Variants in ATP8A2 observed in about 807,000 individuals in gnomAD.
ATP8A2 encodes ATPase phospholipid transporting 8A2.
ATP8A2 carries 100 observed loss-of-function variants against 165.6 expected under a neutral mutation model. That is an observed-to-expected ratio of 0.60 (90% confidence interval 0.51 to 0.71). The LOEUF (loss-of-function observed/expected upper bound fraction) is 0.71, where lower values mean the gene tolerates loss of function less well. ATP8A2 is among the 30% of genes least tolerant of loss of function. The pLI, the probability that ATP8A2 is intolerant of heterozygous loss-of-function variation, is 0.00. For missense variants in ATP8A2, 1,227 were observed against 1,479.5 expected (o/e 0.83, Z 2.80); for synonymous variants, 543 against 548.8 (o/e 0.99, Z 0.15).
At chr13:25,544,818 T>C (rs1024450684) in intron 10 of ATP8A2, among the ~76,000 whole-genome samples, 5 of 151,730 alleles carry the variant, frequency 3.3e-5, no homozygotes, top group African/African-American at 1.2e-4. Flanking sequence ...TCAAGTCTTC[T>C]GTGAGTGACA....
At chr13:25,819,499 C>CTATT (rs1566171165) in intron 27 of ATP8A2, among the ~76,000 whole-genome samples, 1 of 151,988 alleles carries the variant, frequency 6.6e-6, no homozygotes, top group African/African-American at 2.4e-5. Context: ...GCCTACTTAC[C>CTATT]TATTTATTTA....
At chr13:25,805,992 G>A (rs996462358) in intron 27 of ATP8A2, among the ~76,000 whole-genome samples, 2 of 152,204 alleles carry the variant, frequency 1.3e-5, no homozygotes, top group South Asian at 4.1e-4. Flanking sequence ...CTACTCTGAA[G>A]GGCAGGTCAT....
chr13:25,994,244 A>G (rs1219550011), intron 35 of ATP8A2, among the ~76,000 whole-genome samples: 1 of 150,026 alleles, frequency 6.7e-6, no homozygotes, highest in Non-Finnish European at 1.5e-5. Context: ...CTATACATAA[A>G]TATATATATA....
chr13:25,490,469 A>G (rs2036492178), intron 2 of ATP8A2, among the ~76,000 whole-genome samples: 1 of 152,222 alleles, frequency 6.6e-6, no homozygotes, highest in African/African-American at 2.4e-5. Context: ...CATGGCACAG[A>G]TGAGGAAACA....
intron 24 of ATP8A2, among the ~76,000 whole-genome samples, chr13:25,608,272 C>T (rs2040569879): frequency 6.6e-6 from 1 of 152,204 alleles, no homozygotes; most frequent in Non-Finnish European, 1.5e-5. Context: ...CAAATCTCCA[C>T]ATGAGATTTG....
At chr13:25,445,847 G>A (rs998332992) in intron 1 of ATP8A2, among the ~76,000 whole-genome samples, 9 of 152,112 alleles carry the variant, frequency 5.9e-5, no homozygotes, top group African/African-American at 1.9e-4. Flanking sequence ...AGAACCCAGT[G>A]GTGGTCATCC....
chr13:25,902,360 A>G (rs1385641553), intron 33 of ATP8A2, among the ~76,000 whole-genome samples: 1 of 152,190 alleles, frequency 6.6e-6, no homozygotes, highest in Non-Finnish European at 1.5e-5. Context: ...ACATTTTTCT[A>G]TATAAGCAGA....
chr13:25,422,183 G>T (rs1206234357), intron 1 of ATP8A2, among the ~76,000 whole-genome samples: 1 of 152,110 alleles, frequency 6.6e-6, no homozygotes, highest in African/African-American at 2.4e-5. Flanking sequence ...TATGACTCGA[G>T]AGTAATAATA....
At chr13:25,762,492 C>T (rs958208735) in intron 25 of ATP8A2, among the ~76,000 whole-genome samples, 1 of 152,142 alleles carries the variant, frequency 6.6e-6, no homozygotes, top group Non-Finnish European at 1.5e-5. Context: ...GTATTCCTTT[C>T]ATCCTCTCCA....
intron 33 of ATP8A2, among the ~76,000 whole-genome samples, chr13:25,942,235 A>G (rs1324283108): frequency 6.6e-6 from 1 of 151,982 alleles, no homozygotes; most frequent in Non-Finnish European, 1.5e-5. Flanking sequence ...TTTTCCCTAC[A>G]GTTGCCAGAA....
chr13:25,644,035 CT>C (rs538359499), intron 24 of ATP8A2, among the ~76,000 whole-genome samples: 10 of 151,202 alleles, frequency 6.6e-5, no homozygotes, highest in African/African-American at 2.2e-4. Flanking sequence ...CTCTTGATTT[CT>C]TTTTCAGAAT....
At chr13:25,634,573 C>T (rs543080542) in intron 24 of ATP8A2, among the ~76,000 whole-genome samples, 357 of 152,134 alleles carry the variant, frequency 2.3e-3, no homozygotes, top group African/African-American at 8.0e-3. Context: ...TCTTAAGGCC[C>T]CCTTGGAAGT....
intron 27 of ATP8A2, among the ~76,000 whole-genome samples, chr13:25,810,739 C>T (rs1950848328): frequency 6.6e-6 from 1 of 151,906 alleles, no homozygotes; most frequent in African/African-American, 2.4e-5. Flanking sequence ...TCACTGAGAG[C>T]AATAGGGTGT....
chr13:25,868,484 G>A (rs1399957968), intron 33 of ATP8A2, among the ~76,000 whole-genome samples: 1 of 152,142 alleles, frequency 6.6e-6, no homozygotes, highest in Non-Finnish European at 1.5e-5. Flanking sequence ...ACATCTTTTT[G>A]TACAGTTTTC....
chr13:25,384,400 G>A (rs1219588672), intron 1 of ATP8A2, among the ~76,000 whole-genome samples: 1 of 152,166 alleles, frequency 6.6e-6, no homozygotes, highest in Non-Finnish European at 1.5e-5. Flanking sequence ...GTCTTCAAGT[G>A]TGGCCTTCCA....
chr13:25,490,013 G>T (rs1404306595), intron 2 of ATP8A2, among the ~76,000 whole-genome samples: 1 of 152,134 alleles, frequency 6.6e-6, no homozygotes, highest in Non-Finnish European at 1.5e-5. Context: ...ATGGTAGTCG[G>T]TGTATACTGT....
chr13:25,463,333 A>G (rs1446961356), intron 1 of ATP8A2, among the ~76,000 whole-genome samples: 6 of 151,800 alleles, frequency 4.0e-5, no homozygotes, highest in Non-Finnish European at 8.8e-5. Context: ...TTCATGTTTA[A>G]TCCCTTATTT....
intron 33 of ATP8A2, among the ~76,000 whole-genome samples, chr13:25,936,094 A>T (rs1954880890): frequency 6.6e-6 from 1 of 152,194 alleles, no homozygotes; most frequent in African/African-American, 2.4e-5. Context: ...AGAGTCCTAT[A>T]ATCTGAATTC....
Sources: gnomAD v4.1 joint callset for allele counts (sites outside exome capture counted in the v4.1 genomes callset) on GRCh38, gnomAD v4.1.1 for gene constraint, MANE v1.5 for transcripts, NCBI Gene and HGNC (gene_info 2026-07-23, HGNC 2026-07-21) for gene names.